Variants in MDGA2 observed in about 807,000 individuals in gnomAD.
MDGA2 encodes the protein MAM domain-containing glycosylphosphatidylinositol anchor protein 2.
In MDGA2, 40 loss-of-function variants were observed where a neutral mutation model predicts 117.8. That is an observed-to-expected ratio of 0.34 (90% CI 0.26 to 0.44). MDGA2 has a LOEUF of 0.44. Ranked by LOEUF, MDGA2 falls within the 20% of genes least tolerant of loss-of-function variation. MDGA2 has a pLI of 1.00. For synonymous variants in MDGA2, 452 were observed against 439.0 expected, an observed-to-expected ratio of 1.03 and a Z score of -0.37; for missense variants, 1,123 against 1,250.6, an observed-to-expected ratio of 0.90 and a Z score of 1.54.
chr14:47,180,079 T>C (rs1884638082), intron 3 of MDGA2, among the ~76,000 whole-genome samples: 1 of 152,276 alleles, frequency 6.6e-6, no homozygotes, highest in Non-Finnish European at 1.5e-5. Context: ...GTTTGTCACA[T>C]AGGTAAAATT....
chr14:46,958,982 A>G (rs1425033796), intron 8 of MDGA2, among the ~76,000 whole-genome samples: 1 of 152,178 alleles, frequency 6.6e-6, no homozygotes, highest in Non-Finnish European at 1.5e-5. Flanking sequence ...TGTCCAAATC[A>G]TCTATATGGT....
intron 9 of MDGA2, among the ~76,000 whole-genome samples, chr14:46,932,025 C>T (rs1039411965): frequency 5.8e-4 from 88 of 151,766 alleles, no homozygotes; most frequent in Admixed American, 4.6e-4. Flanking sequence ...ACCCATAATT[C>T]GACAAATTCC....
At chr14:47,287,610 A>T (rs1222927794) in intron 2 of MDGA2, among the ~76,000 whole-genome samples, 2 of 152,150 alleles carry the variant, frequency 1.3e-5, no homozygotes, top group South Asian at 4.1e-4. Flanking sequence ...ACAATGCTGT[A>T]CAATAGACCC....
chr14:47,274,899 T>C (rs1200624468), intron 2 of MDGA2, among the ~76,000 whole-genome samples: 1 of 152,142 alleles, frequency 6.6e-6, no homozygotes, highest in African/African-American at 2.4e-5. Flanking sequence ...CTTTGCCCAT[T>C]TTAAAATTGC....
intron 1 of MDGA2, among the ~76,000 whole-genome samples, chr14:47,494,110 CAT>C (rs1162478744): frequency 1.3e-5 from 2 of 152,112 alleles, no homozygotes; most frequent in Non-Finnish European, 2.9e-5. Context: ...TGAAGAAGTA[CAT>C]GTTTGCTTTC....
chr14:47,282,807 G>A (rs113023534), intron 2 of MDGA2, among the ~76,000 whole-genome samples: 4,502 of 152,156 alleles, frequency 0.03, 224 homozygotes, highest in African/African-American at 0.1. Context: ...GACTAGCTGG[G>A]TGTGGTGGCT....
At chr14:46,867,249 G>A (rs953460798) in intron 14 of MDGA2, among the ~76,000 whole-genome samples, 1 of 152,102 alleles carries the variant, frequency 6.6e-6, no homozygotes, top group African/African-American at 2.4e-5. Context: ...GTAAGGACAT[G>A]GATGAAATTG....
At chr14:47,565,013 G>GT (rs1277894261) in intron 1 of MDGA2, among the ~76,000 whole-genome samples, 1 of 151,590 alleles carries the variant, frequency 6.6e-6, no homozygotes, top group African/African-American at 2.4e-5. Context: ...CTCCTGTATA[G>GT]TTTTATTGTA....
chr14:46,919,971 G>C, intron 10 of MDGA2, 41 bp downstream of exon 10: 1 of 1,527,766 alleles, frequency 6.5e-7, no homozygotes, highest in Non-Finnish European at 8.7e-7. Flanking sequence ...GGTCTTCACA[G>C]AGGACCACAA....
intron 1 of MDGA2, among the ~76,000 whole-genome samples, chr14:47,505,339 C>G (rs776890928): frequency 1.4e-4 from 22 of 152,024 alleles, no homozygotes; most frequent in Non-Finnish European, 3.2e-4. Flanking sequence ...TACAGAATAG[C>G]TAGAAAAGGG....
intron 3 of MDGA2, among the ~76,000 whole-genome samples, chr14:47,192,923 T>G (rs1885165887): frequency 6.6e-6 from 1 of 152,194 alleles, no homozygotes; most frequent in Non-Finnish European, 1.5e-5. Context: ...AACTCACCAG[T>G]GGTGCAGTCT....
intron 14 of MDGA2, among the ~76,000 whole-genome samples, chr14:46,865,308 G>C (rs947986112): frequency 2.6e-5 from 4 of 152,198 alleles, no homozygotes; most frequent in African/African-American, 9.6e-5. Context: ...TATCTCAATA[G>C]ATGCAGAAAA....
At chr14:47,510,030 A>G (rs1419424406) in intron 1 of MDGA2, among the ~76,000 whole-genome samples, 1 of 152,138 alleles carries the variant, frequency 6.6e-6, no homozygotes, top group Non-Finnish European at 1.5e-5. Flanking sequence ...CTATAGTCTG[A>G]TATTTGTGTC....
At chr14:47,627,488 G>C (rs1455921415) in intron 1 of MDGA2, among the ~76,000 whole-genome samples, 2 of 152,180 alleles carry the variant, frequency 1.3e-5, no homozygotes, top group African/African-American at 2.4e-5. Context: ...GTCTAGCTCA[G>C]GGTTTGTAAA....
At chr14:47,377,802 C>T (rs1891514378) in intron 1 of MDGA2, among the ~76,000 whole-genome samples, 1 of 152,146 alleles carries the variant, frequency 6.6e-6, no homozygotes, top group Admixed American at 6.5e-5. Context: ...CATAGCTGAA[C>T]AAAAGGCAGC....
At chr14:47,384,309 G>T (rs1369929746) in intron 1 of MDGA2, among the ~76,000 whole-genome samples, 1 of 150,286 alleles carries the variant, frequency 6.7e-6, no homozygotes, top group Admixed American at 6.7e-5. Context: ...AGGGGATCTA[G>T]TATCCAGGGG....
intron 8 of MDGA2, among the ~76,000 whole-genome samples, chr14:46,960,179 C>T (rs572536661): frequency 7.9e-5 from 12 of 152,176 alleles, no homozygotes; most frequent in African/African-American, 2.6e-4. Context: ...CGAGATTGCA[C>T]CGCTGCACTC....
At chr14:47,639,421 T>G (rs2138241930) in intron 1 of MDGA2, among the ~76,000 whole-genome samples, 1 of 152,264 alleles carries the variant, frequency 6.6e-6, no homozygotes, top group South Asian at 2.1e-4. Flanking sequence ...CCCCTTTGAA[T>G]ATAACAGAGA....
chr14:47,044,157 C>T (rs535073786), intron 7 of MDGA2, among the ~76,000 whole-genome samples: 2 of 151,510 alleles, frequency 1.3e-5, no homozygotes, highest in African/African-American at 4.8e-5. Context: ...AGTAAGAAAA[C>T]CATTGATTAA....
Sources: gnomAD v4.1 joint callset for allele counts (sites outside exome capture counted in the v4.1 genomes callset) on GRCh38, gnomAD v4.1.1 for gene constraint, MANE v1.5 for transcripts, NCBI Gene and HGNC (gene_info 2026-07-23, HGNC 2026-07-21) for gene names.